Variants in DIAPH2 observed in about 807,000 individuals in gnomAD.
DIAPH2 encodes protein diaphanous homolog 2.
In DIAPH2, 35 loss-of-function variants were observed where a neutral mutation model predicts 92.7. The ratio of observed to expected loss-of-function variants is 0.38; its 90% CI spans 0.29 to 0.50. DIAPH2 has a LOEUF of 0.50. DIAPH2 is among the 20% of genes least tolerant of loss of function. The pLI is 0.94. For synonymous variants in DIAPH2, 301 were observed against 280.4 expected, an observed-to-expected ratio of 1.07 and a Z score of -0.73; for missense variants, 701 against 819.5, an observed-to-expected ratio of 0.86 and a Z score of 1.77.
In DIAPH2 at chrX:97,486,475, A is replaced by G. The variant is rs1434387918; in HGVS notation, c.3241+56730A>G. Among the ~76,000 whole-genome samples, 4 of 112,197 alleles carry G rather than the reference A, an allele frequency of 3.6e-5. No individual in the cohort carries two copies. In the East Asian group the frequency reaches 1.1e-3, roughly 31 times the overall value. ...CTAGGGTTTTATCTGTTACCAGAACAGTATATATGTTACAAATGACTTATA... is the reference window on the plus strand; with the variant it reads ...CTAGGGTTTTATCTGTTACCAGAACGGTATATATGTTACAAATGACTTATA... On this transcript the variant is annotated intron_variant, in intron 26 of 26. Coordinates refer to ENST00000324765, the MANE Select transcript of DIAPH2 (RefSeq NM_006729.5).
chrX:97,306,489 T>C (rs2068748153), intron 23 of DIAPH2, among the ~76,000 whole-genome samples: 1 of 112,035 alleles, frequency 8.9e-6, no homozygotes, highest in Admixed American at 9.5e-5. Context: ...GAAGAATTTC[T>C]GCAATCTATA....
intron 5 of DIAPH2, among the ~76,000 whole-genome samples, chrX:96,904,892 C>A (rs988009116): frequency 9.0e-6 from 1 of 111,671 alleles, no homozygotes; most frequent in Non-Finnish European, 1.9e-5. Context: ...AGTTGTTTCA[C>A]ATGTTATAAT....
intron 1 of DIAPH2, among the ~76,000 whole-genome samples, chrX:96,705,542 A>C (rs767459315): frequency 1.8e-5 from 2 of 112,129 alleles, no homozygotes; most frequent in Non-Finnish European, 3.8e-5. Context: ...CCAAAAATAA[A>C]TACTACTTTT....
intron 4 of DIAPH2, among the ~76,000 whole-genome samples, chrX:96,811,152 A>T (rs1011524208): frequency 8.9e-6 from 1 of 112,023 alleles, no homozygotes; most frequent in African/African-American, 3.2e-5. Context: ...ATCCATGAGC[A>T]TGGAATGTTC....
intron 26 of DIAPH2, among the ~76,000 whole-genome samples, chrX:97,558,151 C>T (rs2071269993): frequency 8.9e-6 from 1 of 111,755 alleles, no homozygotes; most frequent in Admixed American, 9.5e-5. Flanking sequence ...CATTCATGTC[C>T]TCTTATAACT....
Position 97,023,902 on chromosome X carries a change from A to G in DIAPH2, c.2051-49039A>G, listed in dbSNP as rs2066314170. Among the ~76,000 whole-genome samples the G allele has an allele frequency of 2.7e-5, 3 of 112,515 alleles. No homozygotes were observed. In the South Asian group the frequency reaches 1.1e-3, roughly 41 times the overall value. On this transcript the variant is annotated intron_variant, in intron 17 of 26. Transcript: ENST00000324765. ...AAACATGTTTTATTAAAACATAGCT[A>G]AAGATGACAAACCTGCTTCAATATT... is the stretch of plus-strand genomic sequence containing the variant.
At chrX:97,173,165 C>T (rs2067466489) in intron 22 of DIAPH2, among the ~76,000 whole-genome samples, 1 of 112,201 alleles carries the variant, frequency 8.9e-6, no homozygotes, top group African/African-American at 3.2e-5. Flanking sequence ...CTTTGGGAGG[C>T]CAAGGTGGGC....
At chrX:96,959,611 G>A (rs1341406901) in intron 16 of DIAPH2, among the ~76,000 whole-genome samples, 6 of 111,456 alleles carry the variant, frequency 5.4e-5, no homozygotes, top group Admixed American at 9.5e-5. Flanking sequence ...ATGCGGAAGC[G>A]TTTTAGTTTA....
At chrX:97,054,402 G>A (rs2066541629) in intron 17 of DIAPH2, among the ~76,000 whole-genome samples, 1 of 111,404 alleles carries the variant, frequency 9.0e-6, no homozygotes, top group African/African-American at 3.3e-5. Context: ...ACTTAATGGA[G>A]GAGCCAGATA....
At chrX:97,300,871 G>T (rs1407751173) in intron 23 of DIAPH2, among the ~76,000 whole-genome samples, 6 of 92,257 alleles carry the variant, frequency 6.5e-5, no homozygotes, top group Non-Finnish European at 1.2e-4. Context: ...GGCGGAGGTT[G>T]CTGTGAGCCG....
At chrX:96,754,194 C>G (rs774192802) in intron 3 of DIAPH2, among the ~76,000 whole-genome samples, 2 of 111,778 alleles carry the variant, frequency 1.8e-5, no homozygotes, top group East Asian at 5.6e-4. Context: ...TTTTTTCATC[C>G]TTTGAGACCC....
At chrX:96,834,034 ATTTAAG>A (rs2064872711) in intron 4 of DIAPH2, among the ~76,000 whole-genome samples, 1 of 111,621 alleles carries the variant, frequency 9.0e-6, no homozygotes, top group South Asian at 3.8e-4. Context: ...GCATGATCAT[ATTTAAG>A]ACAACAGGAT....
chrX:97,058,923 G>A (rs1259741426), intron 17 of DIAPH2, among the ~76,000 whole-genome samples: 1 of 111,815 alleles, frequency 8.9e-6, no homozygotes, highest in East Asian at 2.8e-4. Flanking sequence ...AAGTAGGGCA[G>A]CATGTGGAAA....
At chrX:97,133,888 T>A (rs942317521) in intron 21 of DIAPH2, among the ~76,000 whole-genome samples, 1 of 112,118 alleles carries the variant, frequency 8.9e-6, no homozygotes, top group South Asian at 3.7e-4. Flanking sequence ...AGGCATTAGG[T>A]TATTTAGATA....
At chrX:97,017,775 G>A (rs2066270397) in intron 17 of DIAPH2, among the ~76,000 whole-genome samples, 1 of 111,927 alleles carries the variant, frequency 8.9e-6, no homozygotes, top group African/African-American at 3.2e-5. Context: ...GACTTAAAAA[G>A]AAATTACCTG....
chrX:97,184,938 C>T (rs2067567804), intron 22 of DIAPH2, among the ~76,000 whole-genome samples: 1 of 109,167 alleles, frequency 9.2e-6, no homozygotes, highest in African/African-American at 3.3e-5. Flanking sequence ...TGTCCAATGA[C>T]ATGGAATTCC....
chrX:96,712,088 G>A (rs1310461062), intron 1 of DIAPH2, among the ~76,000 whole-genome samples: 1 of 111,314 alleles, frequency 9.0e-6, no homozygotes, highest in Non-Finnish European at 1.9e-5. Flanking sequence ...TAACTCCTCT[G>A]TGGCTTTAGC....
chrX:97,470,243 T>C (rs1437660384), intron 26 of DIAPH2, among the ~76,000 whole-genome samples: 1 of 111,933 alleles, frequency 8.9e-6, no homozygotes, highest in Admixed American at 9.5e-5. Flanking sequence ...ATATATGTAA[T>C]ATATAATTTT....
intron 4 of DIAPH2, among the ~76,000 whole-genome samples, chrX:96,808,812 AT>A (rs2064650230): frequency 1.8e-5 from 2 of 111,537 alleles, no homozygotes; most frequent in South Asian, 7.3e-4. Context: ...TTCTTTTACT[AT>A]TTTTACCATT....
Sources: allele counts gnomAD v4.1 joint callset (sites outside exome capture counted in the v4.1 genomes callset), GRCh38; gene constraint gnomAD v4.1.1; transcripts MANE v1.5; gene names NCBI Gene and HGNC (gene_info 2026-07-23, HGNC 2026-07-21).